Variants in ANO2 observed in about 807,000 individuals in gnomAD.
ANO2 encodes anoctamin-2.
Under a neutral mutation model 124.2 loss-of-function variants are expected in ANO2, and 101 were observed. The observed-to-expected ratio is 0.81, with a 90% CI of 0.69 to 0.96. The LOEUF is 0.96. Among genes scored for constraint, ANO2 ranks in the 40% least tolerant of loss-of-function variants. The pLI, the probability that ANO2 is intolerant of heterozygous loss-of-function variation, is 0.00. For synonymous variants in ANO2, 486 were observed against 482.5 expected (o/e 1.01, Z -0.09); for missense variants, 1,293 against 1,274.5 (o/e 1.01, Z -0.22).
At chr12:5,628,477 C>A (rs1325130772) in intron 16 of ANO2, among the ~76,000 whole-genome samples, 1 of 152,200 alleles carries the variant, frequency 6.6e-6, no homozygotes, top group African/African-American at 2.4e-5. Context: ...TTAGCAAGGA[C>A]AATGAGGTCA....
rs1311424445 is a variant in ANO2 at position 5,769,632 on chromosome 12, TG to T, written c.1056-18663del. On this transcript the variant is annotated intron_variant, in intron 10 of 24. Transcript: ENST00000682330. The surrounding 1 kb of genome is among the most constrained non-coding windows in gnomAD (Gnocchi z 4.0). ...CTACCTACCTGTACATTCCTATCCG[TG>T]GGTGGTGGATGGACCTCCATTAACA... Among the ~76,000 whole-genome samples, 1 of 152,160 alleles carries T rather than the reference TG, an allele frequency of 6.6e-6. No homozygotes were observed. Among genetic ancestry groups the T allele is most frequent in the East Asian group, 1.9e-4 (1 of 5,190 alleles).
At chr12:5,729,701 CT>C (rs1424157735) in intron 14 of ANO2, among the ~76,000 whole-genome samples, 1 of 141,616 alleles carries the variant, frequency 7.1e-6, no homozygotes, top group East Asian at 2.0e-4. Flanking sequence ...AAAAAAAAAA[CT>C]TGTACCCAAA....
intron 10 of ANO2, among the ~76,000 whole-genome samples, chr12:5,776,028 C>T (rs182420199): frequency 8.6e-4 from 131 of 152,178 alleles, no homozygotes; most frequent in Middle Eastern, 3.4e-3. Context: ...GCTATTTACA[C>T]GAGAGTTAAT....
At chr12:5,576,620 AC>A (rs1266445977) in intron 22 of ANO2, among the ~76,000 whole-genome samples, 1 of 152,230 alleles carries the variant, frequency 6.6e-6, no homozygotes, top group African/African-American at 2.4e-5. Flanking sequence ...AGCCACACAC[AC>A]CCAACACAGC....
At chr12:5,931,324 G>A (rs532499146) in intron 1 of ANO2, among the ~76,000 whole-genome samples, 3 of 152,192 alleles carry the variant, frequency 2.0e-5, no homozygotes, top group African/African-American at 7.2e-5. Context: ...TCTTTGGGAG[G>A]TTGGGGTGGG....
At chr12:5,620,867 A>G (rs1945084118) in intron 16 of ANO2, among the ~76,000 whole-genome samples, 1 of 151,872 alleles carries the variant, frequency 6.6e-6, no homozygotes, top group Admixed American at 6.6e-5. Flanking sequence ...CATTTCTTCT[A>G]TAGTTATGTA....
intron 15 of ANO2, among the ~76,000 whole-genome samples, chr12:5,641,975 G>A (rs1423225972): frequency 6.6e-6 from 1 of 152,170 alleles, no homozygotes; most frequent in Non-Finnish European, 1.5e-5. Flanking sequence ...GTGGTCCAGT[G>A]ATCTATTTGT....
At chr12:5,750,497 G>T (rs1951401073) in intron 11 of ANO2, among the ~76,000 whole-genome samples, 1 of 152,218 alleles carries the variant, frequency 6.6e-6, no homozygotes, top group African/African-American at 2.4e-5. Context: ...AGAGGTAAAA[G>T]AAGTGATGAA....
upstream of ANO2, among the ~76,000 whole-genome samples, chr12:5,945,624 C>T (rs1565803094): frequency 6.6e-6 from 1 of 152,244 alleles, no homozygotes. Flanking sequence ...GTTTCCAATC[C>T]TGCCAGCAAA....
intron 10 of ANO2, among the ~76,000 whole-genome samples, chr12:5,791,006 G>T (rs917637971): frequency 3.3e-5 from 5 of 152,122 alleles, no homozygotes; most frequent in African/African-American, 1.2e-4. Flanking sequence ...TAGTCCCATC[G>T]CTGAGGCCCC....
intron 3 of ANO2, among the ~76,000 whole-genome samples, chr12:5,860,960 C>T (rs987448874): frequency 7.9e-5 from 12 of 152,194 alleles, no homozygotes; most frequent in African/African-American, 2.7e-4. Flanking sequence ...CAGTCTTTGA[C>T]GTCTTCACTC....
At chr12:5,911,114 C>T (rs1941022165) in intron 3 of ANO2, among the ~76,000 whole-genome samples, 1 of 152,194 alleles carries the variant, frequency 6.6e-6, no homozygotes, top group African/African-American at 2.4e-5. Context: ...GGACTCTTTT[C>T]TCACCTCTGT....
At chr12:5,913,977 G>A (rs1384875232) in intron 3 of ANO2, among the ~76,000 whole-genome samples, 1 of 152,098 alleles carries the variant, frequency 6.6e-6, no homozygotes, top group Non-Finnish European at 1.5e-5. Context: ...CGAGACAGGC[G>A]GATCACACAG....
rs114270154 is a variant in ANO2 at position 5,616,664 on chromosome 12, A to G, written c.1817-1367T>C. Reference sequence around the variant, plus strand: ...GATGAGACTAGTGTATGGGCCCCCTAACTTGCCTGCTCCACAAATTCACAT... The same window carrying G: ...GATGAGACTAGTGTATGGGCCCCCTGACTTGCCTGCTCCACAAATTCACAT... On this transcript the variant is annotated intron_variant, in intron 16 of 24. Transcript: ENST00000682330. Among the ~76,000 whole-genome samples, 817 of 152,260 alleles carry G rather than the reference A, an allele frequency of 5.4e-3. 11 individuals are homozygous for G. The highest frequency in any genetic ancestry group is 0.017 in the African/African-American group (699 of 41,518).
chr12:5,878,466 T>A (rs1410772284), intron 3 of ANO2, among the ~76,000 whole-genome samples: 1 of 152,222 alleles, frequency 6.6e-6, no homozygotes, highest in South Asian at 2.1e-4. Flanking sequence ...GCCTGGGTCA[T>A]AACAAGTATG....
At chr12:5,750,992 A>G (rs1334451439) in intron 10 of ANO2, 22 bp from the exon 11 acceptor site, 1 of 1,573,952 alleles carries the variant, frequency 6.4e-7, no homozygotes, top group South Asian at 1.2e-5. Context: ...AGAAAAGAAA[A>G]TGAAACACAT....
At chr12:5,707,914 C>A (rs1231802355) in intron 14 of ANO2, among the ~76,000 whole-genome samples, 1 of 152,216 alleles carries the variant, frequency 6.6e-6, no homozygotes, top group African/African-American at 2.4e-5. Flanking sequence ...CCAGTGCCAT[C>A]TGAATGCCAA....
At chr12:5,640,295 G>A (rs545881090) in intron 15 of ANO2, among the ~76,000 whole-genome samples, 12 of 152,174 alleles carry the variant, frequency 7.9e-5, no homozygotes, top group East Asian at 7.7e-4. Context: ...TGAGAGATAC[G>A]GTAGGTGTCT....
At chr12:5,686,734 C>T (rs376962384) in intron 14 of ANO2, among the ~76,000 whole-genome samples, 2 of 152,246 alleles carry the variant, frequency 1.3e-5, no homozygotes, top group African/African-American at 2.4e-5. Context: ...GCTGCGCTGA[C>T]GTTCACAGGC....
Sources: allele counts gnomAD v4.1 joint callset (sites outside exome capture counted in the v4.1 genomes callset), GRCh38; gene constraint gnomAD v4.1.1; non-coding constraint Gnocchi (gnomAD v3.1); transcripts MANE v1.5; gene names NCBI Gene and HGNC (gene_info 2026-07-23, HGNC 2026-07-21).